Variants in PRELID2 observed in about 807,000 individuals in gnomAD.
The protein encoded by PRELID2 is PRELI domain-containing protein 2.
PRELID2 carries 25 observed loss-of-function variants against 28.4 expected under a neutral mutation model. The ratio of observed to expected loss-of-function variants is 0.88; its 90% CI spans 0.64 to 1.23. The LOEUF is 1.23. PRELID2 is among the 50% of genes most tolerant of loss of function. The pLI is 0.00. For synonymous variants in PRELID2, 76 were observed against 71.6 expected (o/e 1.06, Z -0.31); for missense variants, 201 against 214.4 (o/e 0.94, Z 0.39).
At chr5:145,397,749 G>T in the PRELID2 span, among the ~76,000 whole-genome samples, 1 of 152,286 alleles carries the variant, frequency 6.6e-6, no homozygotes, top group South Asian at 2.1e-4. Context: ...CAGATGCCAA[G>T]AAATAGTAGG....
the PRELID2 span, among the ~76,000 whole-genome samples, chr5:145,424,677 C>T: frequency 9.2e-5 from 14 of 152,248 alleles, 1 homozygote; most frequent in South Asian, 1.9e-3. Context: ...AGAAATCACC[C>T]GTCTTCTGTG....
the PRELID2 span, among the ~76,000 whole-genome samples, chr5:145,298,648 A>C: frequency 3.7e-4 from 57 of 152,218 alleles, no homozygotes; most frequent in East Asian, 0.01. Flanking sequence ...TGCAGCAAGA[A>C]GGCTCTTGAC....
the PRELID2 span, among the ~76,000 whole-genome samples, chr5:145,231,902 C>A: frequency 6.6e-6 from 1 of 152,080 alleles, no homozygotes; most frequent in African/African-American, 2.4e-5. Context: ...AATGAATATT[C>A]TTCTCTGTCC....
At chr5:145,492,638 T>C (rs1752278953) in intron 1 of PRELID2, among the ~76,000 whole-genome samples, 1 of 141,712 alleles carries the variant, frequency 7.1e-6, no homozygotes, top group African/African-American at 2.5e-5. Flanking sequence ...CTTCTAAAGT[T>C]TCACAGTTTT....
intron 1 of PRELID2, among the ~76,000 whole-genome samples, chr5:145,742,086 AT>A (rs367759994): frequency 0.82 from 102,283 of 125,018 alleles, 42,257 homozygotes; most frequent in East Asian, 0.88. Flanking sequence ...GTAATTATAT[AT>A]TTATAATTAC....
chr5:145,620,859 A>G (rs1444966580), intron 1 of PRELID2, among the ~76,000 whole-genome samples: 1 of 152,294 alleles, frequency 6.6e-6, no homozygotes, highest in East Asian at 1.9e-4. Context: ...AAAGATAGCC[A>G]GGGAAAAATA....
intron 1 of PRELID2, among the ~76,000 whole-genome samples, chr5:145,719,613 G>C (rs1755934307): frequency 6.6e-6 from 1 of 151,952 alleles, no homozygotes; most frequent in Non-Finnish European, 1.5e-5. Flanking sequence ...ACAGATAGAA[G>C]AGGGATCTCT....
chr5:145,639,696 G>C (rs1031908472), intron 1 of PRELID2, among the ~76,000 whole-genome samples: 2 of 152,104 alleles, frequency 1.3e-5, no homozygotes, highest in Non-Finnish European at 2.9e-5. Context: ...AAGTGCGTTG[G>C]GTTGGGCCTA....
At chr5:145,752,760 C>G (rs1207012724), downstream of PRELID2, among the ~76,000 whole-genome samples, 1 of 152,170 alleles carries the variant, frequency 6.6e-6, no homozygotes, top group Admixed American at 6.5e-5. Flanking sequence ...TTCATTAAAC[C>G]CTTCCTGCCT....
chr5:145,269,019 T>C, the PRELID2 span, among the ~76,000 whole-genome samples: 1 of 152,106 alleles, frequency 6.6e-6, no homozygotes, highest in East Asian at 1.9e-4. Flanking sequence ...ACAGCATTGA[T>C]AGAAATTAAG....
the PRELID2 span, among the ~76,000 whole-genome samples, chr5:145,354,270 G>GC: frequency 5.3e-5 from 8 of 152,012 alleles, no homozygotes; most frequent in Non-Finnish European, 1.0e-4. Context: ...CAGATTCCTA[G>GC]CCCACTGTGT....
At chr5:145,475,931 T>C (rs1283866878) in intron 1 of PRELID2, among the ~76,000 whole-genome samples, 1 of 152,194 alleles carries the variant, frequency 6.6e-6, no homozygotes, top group African/African-American at 2.4e-5. Flanking sequence ...TGGACTAAAG[T>C]AGATAAATAA....
chr5:145,488,123 CAA>C (rs10643402), intron 1 of PRELID2, among the ~76,000 whole-genome samples: 31 of 101,354 alleles, frequency 3.1e-4, no homozygotes, highest in Admixed American at 6.4e-4. Context: ...GACTCTGTCT[CAA>C]AAAAAAAAAA....
the PRELID2 span, among the ~76,000 whole-genome samples, chr5:145,296,668 A>T: frequency 6.6e-6 from 1 of 152,102 alleles, no homozygotes; most frequent in African/African-American, 2.4e-5. Flanking sequence ...GCATGTGTCT[A>T]TATAGCAGCA....
At chr5:145,353,803 T>C in the PRELID2 span, among the ~76,000 whole-genome samples, 1 of 152,086 alleles carries the variant, frequency 6.6e-6, no homozygotes, top group Admixed American at 6.5e-5. Context: ...AAGATGATAT[T>C]TGAATGGGGA....
At chr5:145,605,354 G>A (rs1753489597) in intron 1 of PRELID2, among the ~76,000 whole-genome samples, 1 of 152,030 alleles carries the variant, frequency 6.6e-6, no homozygotes, top group Admixed American at 6.6e-5. Context: ...TTTGTATACG[G>A]TGTAAGGAAG....
chr5:145,781,515 G>C (rs188971992), intron 5 of PRELID2, among the ~76,000 whole-genome samples: 28 of 150,978 alleles, frequency 1.9e-4, no homozygotes, highest in South Asian at 8.4e-4. Context: ...GTTCCTAAAG[G>C]CACTTAGTCC....
intron 1 of PRELID2, among the ~76,000 whole-genome samples, chr5:145,687,619 C>G (rs2149693317): frequency 6.6e-6 from 1 of 152,240 alleles, no homozygotes. Flanking sequence ...CAGATTGTCT[C>G]TTTCCAGTAG....
At chr5:145,310,360 T>C in the PRELID2 span, among the ~76,000 whole-genome samples, 1 of 152,208 alleles carries the variant, frequency 6.6e-6, no homozygotes, top group Non-Finnish European at 1.5e-5. Flanking sequence ...TTTTCAGGGA[T>C]AACAATCATT....
Sources: gnomAD v4.1 joint callset for allele counts (sites outside exome capture counted in the v4.1 genomes callset) on GRCh38, gnomAD v4.1.1 for gene constraint, MANE v1.5 for transcripts, NCBI Gene and HGNC (gene_info 2026-07-23, HGNC 2026-07-21) for gene names.